The following PTPRN2 variants were observed in gnomAD, a reference collection of about 807,000 sequenced individuals.
The protein encoded by PTPRN2 is protein tyrosine phosphatase receptor type N2.
In PTPRN2, 74 loss-of-function variants were observed where a neutral mutation model predicts 118.8. The ratio of observed to expected loss-of-function variants is 0.62; its 90% CI spans 0.52 to 0.76. The LOEUF is 0.76. Ranked by LOEUF, PTPRN2 falls within the 30% of genes least tolerant of loss-of-function variation. The probability of loss-of-function intolerance (pLI) is 0.00; values close to 1 mark genes in which losing one functional copy is unlikely to be tolerated. For missense variants in PTPRN2, 1,481 were observed against 1,394.4 expected, an observed-to-expected ratio of 1.06 and a Z score of -0.99; for synonymous variants, 641 against 608.0, an observed-to-expected ratio of 1.05 and a Z score of -0.80.
intron 14 of PTPRN2, among the ~76,000 whole-genome samples, chr7:157,635,593 T>C (rs189630710): frequency 1.2e-4 from 18 of 152,406 alleles, no homozygotes; most frequent in African/African-American, 4.3e-4. Context: ...TTCATTTTTC[T>C]AGAATTTTCT....
At chr7:158,484,910 G>A (rs1164395591) in intron 2 of PTPRN2, among the ~76,000 whole-genome samples, 1 of 152,206 alleles carries the variant, frequency 6.6e-6, no homozygotes, top group East Asian at 1.9e-4. Context: ...CTGTGGCTGT[G>A]ACGCCGCCAC....
chr7:158,073,020 C>T (rs1028848100), intron 11 of PTPRN2, among the ~76,000 whole-genome samples: 4 of 152,090 alleles, frequency 2.6e-5, no homozygotes, highest in Non-Finnish European at 5.9e-5. Context: ...CAGGGCAGGA[C>T]TCCTGGGCCG....
chr7:157,950,241 T>C (rs1234137437), intron 11 of PTPRN2, among the ~76,000 whole-genome samples: 3 of 152,216 alleles, frequency 2.0e-5, no homozygotes, highest in African/African-American at 7.2e-5. Context: ...TCCAATTGTC[T>C]CACCTTGAAA....
chr7:157,914,983 C>T (rs1186082924), intron 11 of PTPRN2, among the ~76,000 whole-genome samples: 3 of 152,116 alleles, frequency 2.0e-5, no homozygotes, highest in African/African-American at 7.2e-5. Context: ...TTATATCTTT[C>T]ATTAAAATAT....
rs1000989587 is a variant in PTPRN2, at chr7:157,784,761, C to T, written c.1789-101824G>A. ...CCCCCTGGGTCTCGACATTTCACCG[C>T]AAACCCTGACCCCACACCCGGCCTC... On this transcript the variant is annotated intron_variant, in intron 12 of 22. Coordinates refer to ENST00000389418, the MANE Select transcript of PTPRN2 (RefSeq NM_002847.5). This position sits in a 1 kb window ranked among gnomAD's most constrained non-coding sequence, Gnocchi z 4.6. 1.8e-4 allele frequency among the ~76,000 whole-genome samples: 27 copies of T among 152,166 alleles called. No individual in the cohort carries two copies. Among genetic ancestry groups the T allele is most frequent in the Admixed American group, 1.8e-3 (27 of 15,278 alleles).
rs531938543 is a variant in PTPRN2, at chr7:158,055,602, A to G, written c.1723+25696T>C. Among the ~76,000 whole-genome samples the G allele has an allele frequency of 7.7e-4, 118 of 152,308 alleles. 1 individual carries two copies. The highest frequency in any genetic ancestry group is 7.7e-4 in the East Asian group (4 of 5,176). The stretch of plus-strand genomic sequence containing the variant: ...CTGGCTCTGTGTTTTAGATAGCAGT[A>G]GCAAATTTGTGAAAGTACTAAAAGT... On this transcript the variant is annotated intron_variant, in intron 11 of 22. Transcript: ENST00000389418.
chr7:158,136,855 G>A (rs146400795), intron 7 of PTPRN2, among the ~76,000 whole-genome samples, 160 bp from the exon 8 acceptor site: 2 of 152,330 alleles, frequency 1.3e-5, no homozygotes, highest in African/African-American at 2.4e-5. Flanking sequence ...TCTGTTTATA[G>A]CACAAAATGG....
At chr7:158,518,299 G>A (rs903385898) in intron 1 of PTPRN2, among the ~76,000 whole-genome samples, 11 of 152,094 alleles carry the variant, frequency 7.2e-5, no homozygotes, top group Admixed American at 3.3e-4. Flanking sequence ...TAATAGAGAC[G>A]ATACGGATTT....
intron 9 of PTPRN2, among the ~76,000 whole-genome samples, chr7:158,114,119 T>G (rs1816532928): frequency 6.6e-6 from 1 of 152,180 alleles, no homozygotes; most frequent in African/African-American, 2.4e-5. Flanking sequence ...TGACAGCTGG[T>G]CCAGTTTGGG....
rs1804125016 is a variant in PTPRN2 at position 157,990,066 on chromosome 7, C to G, written c.1723+91232G>C. ...TTTGTATTTCTCAACAAAACCTGCC[C>G]TCCATCCCTCTATGAAGAAAAATGC... On this transcript the variant is annotated intron_variant, in intron 11 of 22. Coordinates refer to ENST00000389418, the MANE Select transcript of PTPRN2 (RefSeq NM_002847.5). This position sits in a 1 kb window ranked among gnomAD's most constrained non-coding sequence, Gnocchi z 4.3. Among the ~76,000 whole-genome samples the G allele has an allele frequency of 6.6e-6, 1 of 152,124 alleles. No individual in the cohort carries two copies. Among genetic ancestry groups the G allele is most frequent in the African/African-American group, 2.4e-5 (1 of 41,410 alleles).
chr7:158,173,534 T>G (rs1367829409), intron 5 of PTPRN2, among the ~76,000 whole-genome samples: 2 of 152,206 alleles, frequency 1.3e-5, no homozygotes, highest in East Asian at 1.9e-4. Flanking sequence ...GAATTACTGA[T>G]GAGTGTCCCA....
intron 21 of PTPRN2, among the ~76,000 whole-genome samples, chr7:157,559,826 G>GC (rs971306538): frequency 1.8e-3 from 267 of 151,530 alleles, no homozygotes; most frequent in East Asian, 9.5e-3. Context: ...CAGGGCTGTG[G>GC]CCCCCCCCGC....
intron 12 of PTPRN2, among the ~76,000 whole-genome samples, chr7:157,867,561 TGTCCCTGACGCCCTGGATACAC>T (rs1810785604): frequency 1.1e-5 from 1 of 94,290 alleles, no homozygotes; most frequent in African/African-American, 4.3e-5. Flanking sequence ...GCCACCACCC[TGTCCCTGACGCCCTGGATACAC>T]GGCCACCACC....
chr7:158,066,693 C>T (rs1224054259), intron 11 of PTPRN2, among the ~76,000 whole-genome samples: 6 of 152,156 alleles, frequency 3.9e-5, no homozygotes, highest in East Asian at 1.9e-4. Context: ...CTGGTGAAGT[C>T]CCTTACGAAT....
intron 2 of PTPRN2, among the ~76,000 whole-genome samples, chr7:158,425,612 C>T (rs1815673519): frequency 1.6e-5 from 2 of 127,882 alleles, no homozygotes; most frequent in African/African-American, 3.3e-5. Context: ...GGGAAAGACC[C>T]AGAGTCCGAG....
intron 1 of PTPRN2, among the ~76,000 whole-genome samples, chr7:158,564,542 G>A (rs867537181): frequency 5.9e-5 from 9 of 152,360 alleles, no homozygotes; most frequent in East Asian, 1.9e-4. Flanking sequence ...GAAGCAGCAC[G>A]GGGCTAGGCA....
chr7:158,330,734 GT>G (rs367840275), intron 2 of PTPRN2, among the ~76,000 whole-genome samples: 1,045 of 101,958 alleles, frequency 0.01, 1 homozygote, highest in African/African-American at 0.042. Flanking sequence ...ACGTGCAGAC[GT>G]CACTCACACC....
intron 10 of PTPRN2, among the ~76,000 whole-genome samples, chr7:158,090,117 A>G (rs12698137): frequency 0.044 from 278 of 6,304 alleles, 28 homozygotes; most frequent in East Asian, 0.4. Flanking sequence ...TTCCCCTGAC[A>G]AAAGAGGGAG....
chr7:157,689,360 G>A (rs12671511), intron 12 of PTPRN2, among the ~76,000 whole-genome samples: 125,080 of 152,160 alleles, frequency 0.82, 52,014 homozygotes, highest in Non-Finnish European at 0.88. Flanking sequence ...GCAGCTCGGG[G>A]GGCGGGACCA....
Sources: gnomAD v4.1 joint callset for allele counts (sites outside exome capture counted in the v4.1 genomes callset) on GRCh38, gnomAD v4.1.1 for gene constraint, Gnocchi (gnomAD v3.1) non-coding constraint, MANE v1.5 for transcripts, NCBI Gene and HGNC (gene_info 2026-07-23, HGNC 2026-07-21) for gene names.